The following KSR2 variants were observed in gnomAD, a reference collection of about 807,000 sequenced individuals.
KSR2 encodes the protein kinase suppressor of ras 2.
In KSR2, 25 loss-of-function variants were observed where a neutral mutation model predicts 107.8. The observed-to-expected ratio is 0.23, with a 90% confidence interval of 0.17 to 0.32. The LOEUF (loss-of-function observed/expected upper bound fraction) is 0.32, where lower values mean the gene tolerates loss of function less well. Among genes scored for constraint, KSR2 ranks in the 10% least tolerant of loss-of-function variants. KSR2 has a pLI of 1.00. For missense variants in KSR2, 887 were observed against 1,268.9 expected (o/e 0.70, Z 4.57); for synonymous variants, 480 against 507.0 (o/e 0.95, Z 0.71).
chr12:117,883,984 G>A (rs947807142), intron 1 of KSR2, among the ~76,000 whole-genome samples: 5 of 151,904 alleles, frequency 3.3e-5, no homozygotes, highest in Non-Finnish European at 7.4e-5. Context: ...TTCCTATGCC[G>A]TGGGGAGCTT....
rs1196026523 is a variant in KSR2 at position 117,457,581 on chromosome 12, C to G, written c.*9618G>C. On this transcript the variant is annotated 3_prime_UTR_variant, in exon 20 of 20. Transcript: ENST00000339824. Reference sequence around the variant, plus strand: ...GGGGGTCAGAGAAGCTCAGGTGACACCATGCCTGACATGCCACCATATGGG... The same window carrying G: ...GGGGGTCAGAGAAGCTCAGGTGACAGCATGCCTGACATGCCACCATATGGG... 6.6e-6 allele frequency: 1 copy of G among 152,196 alleles called. No homozygotes were observed. Among genetic ancestry groups the G allele is most frequent in the African/African-American group, 2.4e-5 (1 of 41,452 alleles). 9.4% of individuals were successfully genotyped at this position (152,196 alleles called of 1,614,324 possible). A position where few individuals can be genotyped will look rare whatever the true frequency, so the allele number is the denominator to read the frequency against.
intron 19 of KSR2, among the ~76,000 whole-genome samples, chr12:117,468,575 C>T (rs997504108): frequency 7.2e-5 from 11 of 152,192 alleles, no homozygotes; most frequent in Non-Finnish European, 1.0e-4. Flanking sequence ...CTCTTCAGGA[C>T]GCCGCCTTGG....
chr12:117,544,428 G>A (rs1876712780), intron 9 of KSR2, among the ~76,000 whole-genome samples: 2 of 152,030 alleles, frequency 1.3e-5, no homozygotes, highest in African/African-American at 4.8e-5. Flanking sequence ...GACCAGCCTG[G>A]CCAATATAGT....
rs112529329 is a variant in KSR2 at position 117,790,665 on chromosome 12, T to C, written c.473-29141A>G. On this transcript the variant is annotated intron_variant, in intron 3 of 19. Coordinates refer to ENST00000339824, the MANE Select transcript of KSR2 (RefSeq NM_173598.6). ...TTTAATCTTTGTAGCTATCTTATTT[T>C]GGAATAAAATGGCAGGCAGGTTTGC... Among the ~76,000 whole-genome samples the C allele has an allele frequency of 4.6e-3, 699 of 152,370 alleles. 9 individuals are homozygous for C. Among genetic ancestry groups the C allele is most frequent in the African/African-American group, 0.016 (679 of 41,580 alleles).
chr12:117,479,748 A>G (rs1004409910), intron 16 of KSR2, among the ~76,000 whole-genome samples: 1 of 152,234 alleles, frequency 6.6e-6, no homozygotes, highest in African/African-American at 2.4e-5. Flanking sequence ...ATCCTGTGCT[A>G]GAAACTACTA....
intron 1 of KSR2, among the ~76,000 whole-genome samples, chr12:117,949,387 A>G (rs1490749735): frequency 1.3e-5 from 2 of 152,194 alleles, no homozygotes; most frequent in African/African-American, 4.8e-5. Flanking sequence ...TCCAGGATAC[A>G]TAAATAACTC....
intron 1 of KSR2, among the ~76,000 whole-genome samples, chr12:117,938,064 ACT>A: frequency 6.6e-6 from 1 of 150,936 alleles, no homozygotes; most frequent in Admixed American, 6.6e-5. Flanking sequence ...CTATCTCCTA[ACT>A]CTTGGCATTT....
chr12:117,780,022 C>T (rs991106391), intron 3 of KSR2, among the ~76,000 whole-genome samples: 9 of 152,160 alleles, frequency 5.9e-5, no homozygotes, highest in African/African-American at 2.2e-4. Context: ...AATTCACACC[C>T]TACCCAGCAG....
At chr12:117,878,992 C>T (rs1049570998) in intron 1 of KSR2, among the ~76,000 whole-genome samples, 2 of 151,926 alleles carry the variant, frequency 1.3e-5, no homozygotes, top group Non-Finnish European at 2.9e-5. Context: ...GATAAAAAAT[C>T]CAGACAACAC....
intron 17 of KSR2, among the ~76,000 whole-genome samples, chr12:117,474,436 G>A (rs1412581309): frequency 6.6e-6 from 1 of 151,958 alleles, no homozygotes; most frequent in African/African-American, 2.4e-5. Flanking sequence ...GTTTTTCAGT[G>A]AGGATGCGGT....
At chr12:117,746,834 CTCA>C (rs1847457266) in intron 4 of KSR2, among the ~76,000 whole-genome samples, 1 of 150,842 alleles carries the variant, frequency 6.6e-6, no homozygotes, top group South Asian at 2.1e-4. Context: ...AAAAAAAAAG[CTCA>C]TCGTCACTGA....
intron 4 of KSR2, among the ~76,000 whole-genome samples, chr12:117,708,397 C>A (rs1469216688): frequency 6.6e-6 from 1 of 152,128 alleles, no homozygotes; most frequent in Admixed American, 6.5e-5. Flanking sequence ...GATGAAGGGA[C>A]CTGCCTCGGT....
At chr12:117,762,565 T>C (rs111973169) in intron 3 of KSR2, among the ~76,000 whole-genome samples, 3 of 152,156 alleles carry the variant, frequency 2.0e-5, no homozygotes, top group African/African-American at 7.2e-5. Context: ...CAGAATGACG[T>C]GATAAAAAGA....
At chr12:117,657,176 G>A (rs1265871102) in intron 5 of KSR2, among the ~76,000 whole-genome samples, 1 of 151,750 alleles carries the variant, frequency 6.6e-6, no homozygotes, top group East Asian at 1.9e-4. Context: ...AGTCAAGCCT[G>A]TGGATTCAGA....
In KSR2 at chr12:117,537,226, C is replaced by CA. The variant is rs565540927; in HGVS notation, c.1687+2492dup. On this transcript the variant is annotated intron_variant, in intron 10 of 19. Transcript: ENST00000339824. ...AGACTCCATCTCAAAACAACAACAA[C>CA]AACAAAAAAACTTTAACAGAAAATG... Among the ~76,000 whole-genome samples the CA allele has an allele frequency of 9.8e-3, 1,475 of 151,280 alleles. 20 individuals are homozygous for CA. Among genetic ancestry groups the CA allele is most frequent in the South Asian group, 0.048 (229 of 4,782 alleles).
intron 1 of KSR2, among the ~76,000 whole-genome samples, chr12:117,943,247 C>G (rs11068754): frequency 0.012 from 1,865 of 152,166 alleles, 30 homozygotes; most frequent in Non-Finnish European, 0.014. Flanking sequence ...CTATTAATTT[C>G]TCAAAACGAC....
At chr12:117,588,127 AAAGC>A (rs765295559) in intron 5 of KSR2, among the ~76,000 whole-genome samples, 7 of 152,190 alleles carry the variant, frequency 4.6e-5, no homozygotes, top group Non-Finnish European at 1.0e-4. Flanking sequence ...GTCCCTGGGA[AAAGC>A]AAAGGGGGTG....
In KSR2 at chr12:117,968,566, G is replaced by T; in HGVS notation, c.-311C>A. ...GAAGCAAACCAGGTGATGTGATGCT[G>T]TCTGTACACTTAGGGAGGAGGAGGA... On this transcript the variant is annotated 5_prime_UTR_variant, in exon 1 of 20. Transcript: ENST00000339824. The T allele has an allele frequency of 1.1e-6, 1 of 904,814 alleles. No homozygotes were observed. The highest frequency in any genetic ancestry group is 1.4e-6 in the Non-Finnish European group (1 of 709,718). 56.0% of individuals were successfully genotyped at this position (904,814 alleles called of 1,614,324 possible).
At chr12:117,623,423 C>T (rs1882299672) in intron 5 of KSR2, among the ~76,000 whole-genome samples, 1 of 152,176 alleles carries the variant, frequency 6.6e-6, no homozygotes, top group Non-Finnish European at 1.5e-5. Context: ...TGTTCCCTCC[C>T]TGTGTCCAAG....
Sources: gnomAD v4.1 joint callset for allele counts (sites outside exome capture counted in the v4.1 genomes callset) on GRCh38, gnomAD v4.1.1 for gene constraint, MANE v1.5 for transcripts, NCBI Gene and HGNC (gene_info 2026-07-23, HGNC 2026-07-21) for gene names.